Variants in HS6ST3 observed in about 807,000 individuals in gnomAD.
HS6ST3 encodes the protein heparan sulfate 6-O-sulfotransferase 3.
Under a neutral mutation model 36.7 loss-of-function variants are expected in HS6ST3, and 12 were observed. The observed-to-expected ratio is 0.33, with a 90% CI of 0.21 to 0.53. The LOEUF is 0.53. Ranked by LOEUF, HS6ST3 falls within the 20% of genes least tolerant of loss-of-function variation. The pLI is 0.95. For synonymous variants in HS6ST3, 240 were observed against 257.5 expected (o/e 0.93, Z 0.65); for missense variants, 584 against 640.9 (o/e 0.91, Z 0.96).
intron 1 of HS6ST3, among the ~76,000 whole-genome samples, chr13:96,801,491 C>T (rs1486490768): frequency 6.6e-6 from 1 of 151,938 alleles, no homozygotes; most frequent in African/African-American, 2.4e-5. Flanking sequence ...TTGAAAACAG[C>T]TGTCAGGGTT....
At chr13:96,700,573 T>A (rs1365521795) in intron 1 of HS6ST3, among the ~76,000 whole-genome samples, 1 of 152,202 alleles carries the variant, frequency 6.6e-6, no homozygotes, top group African/African-American at 2.4e-5. Context: ...CCATCATGTA[T>A]GTTGTTGAAA....
At chr13:96,307,433 C>T (rs1287659504) in intron 1 of HS6ST3, among the ~76,000 whole-genome samples, 2 of 151,936 alleles carry the variant, frequency 1.3e-5, no homozygotes, top group East Asian at 3.9e-4. Context: ...CATTTTGCAA[C>T]ACTATAGGCA....
chr13:96,455,232 T>C (rs907497266), intron 1 of HS6ST3, among the ~76,000 whole-genome samples: 4 of 152,024 alleles, frequency 2.6e-5, no homozygotes, highest in East Asian at 1.9e-4. Flanking sequence ...TTGTTGTTGT[T>C]GTCGTTGTTT....
chr13:96,535,395 A>G (rs2056151469), intron 1 of HS6ST3, among the ~76,000 whole-genome samples: 1 of 151,858 alleles, frequency 6.6e-6, no homozygotes, highest in African/African-American at 2.4e-5. Context: ...TCTCTACTAA[A>G]AAAATACTAA....
intron 1 of HS6ST3, among the ~76,000 whole-genome samples, chr13:96,570,146 T>A (rs1278512831): frequency 6.6e-6 from 1 of 152,234 alleles, no homozygotes; most frequent in Non-Finnish European, 1.5e-5. Context: ...GAGGATTTTT[T>A]AAGAGATAGA....
chr13:96,657,949 A>G lies in HS6ST3; in HGVS notation c.708-174541A>G, dbSNP rs368258137. ...GGAAGCACAATGAAACTGAAGCAACACTTGACTTGGCAGTTACATGTAAGT... is the reference window on the plus strand; with the variant it reads ...GGAAGCACAATGAAACTGAAGCAACGCTTGACTTGGCAGTTACATGTAAGT... On this transcript the variant is annotated intron_variant, in intron 1 of 1. Coordinates refer to ENST00000376705, the MANE Select transcript of HS6ST3 (RefSeq NM_153456.4). Among the ~76,000 whole-genome samples the G allele has an allele frequency of 5.1e-4, 77 of 152,280 alleles. 1 individual carries two copies. The South Asian group carries it at 0.015, about 30-fold the overall frequency.
At chr13:96,395,048 G>A (rs912694) in intron 1 of HS6ST3, among the ~76,000 whole-genome samples, 127,171 of 151,860 alleles carry the variant, frequency 0.84, 53,665 homozygotes, top group South Asian at 0.91. Flanking sequence ...TTGTTCATCT[G>A]TTGCTTTGTG....
intron 1 of HS6ST3, among the ~76,000 whole-genome samples, chr13:96,828,268 C>T (rs1878692505): frequency 6.6e-6 from 1 of 152,112 alleles, no homozygotes; most frequent in African/African-American, 2.4e-5. Context: ...GCCTGGCTTA[C>T]CTAGTGGTAA....
intron 1 of HS6ST3, among the ~76,000 whole-genome samples, chr13:96,551,516 G>C (rs1160571390): frequency 3.9e-5 from 6 of 152,182 alleles, no homozygotes; most frequent in Admixed American, 3.9e-4. Context: ...GTCCTGTGGA[G>C]CTTACTCTTG....
intron 1 of HS6ST3, among the ~76,000 whole-genome samples, chr13:96,743,748 A>G (rs1876496217): frequency 6.6e-6 from 1 of 152,068 alleles, no homozygotes; most frequent in African/African-American, 2.4e-5. Flanking sequence ...CTTGTAATAT[A>G]CATTTGGGGT....
chr13:96,450,980 A>T (rs1204496474), intron 1 of HS6ST3, among the ~76,000 whole-genome samples: 2 of 152,282 alleles, frequency 1.3e-5, no homozygotes, highest in East Asian at 3.9e-4. Flanking sequence ...GTGTCAAAAG[A>T]CCAACCAATA....
chr13:96,754,265 T>G (rs1876771023), intron 1 of HS6ST3, among the ~76,000 whole-genome samples: 1 of 152,230 alleles, frequency 6.6e-6, no homozygotes, highest in Non-Finnish European at 1.5e-5. Context: ...AGATTTATTA[T>G]TTTTTCTCCT....
At chr13:96,820,233 G>A (rs1343880353) in intron 1 of HS6ST3, among the ~76,000 whole-genome samples, 1 of 152,168 alleles carries the variant, frequency 6.6e-6, no homozygotes, top group Non-Finnish European at 1.5e-5. Flanking sequence ...GATGAAGAAA[G>A]TAGTTTGAAA....
intron 1 of HS6ST3, among the ~76,000 whole-genome samples, chr13:96,685,666 A>T (rs557644986): frequency 6.6e-6 from 1 of 152,186 alleles, no homozygotes; most frequent in African/African-American, 2.4e-5. Flanking sequence ...CTCTTCCATG[A>T]TGGGACTAAT....
chr13:96,313,647 T>G (rs150068328), intron 1 of HS6ST3, among the ~76,000 whole-genome samples: 75 of 152,328 alleles, frequency 4.9e-4, no homozygotes, highest in African/African-American at 1.7e-3. Context: ...TCCCCCATGA[T>G]AGCCTCAGAT....
At chr13:96,621,337 G>A (rs2056494327) in intron 1 of HS6ST3, among the ~76,000 whole-genome samples, 1 of 152,134 alleles carries the variant, frequency 6.6e-6, no homozygotes, top group African/African-American at 2.4e-5. Context: ...TCGTGATAGT[G>A]AGTGAATTCT....
At chr13:96,565,656 C>A (rs1449017640) in intron 1 of HS6ST3, among the ~76,000 whole-genome samples, 1 of 152,106 alleles carries the variant, frequency 6.6e-6, no homozygotes, top group Non-Finnish European at 1.5e-5. Flanking sequence ...GTTTACTATT[C>A]AGGAGCTCAG....
intron 1 of HS6ST3, among the ~76,000 whole-genome samples, chr13:96,605,681 A>G (rs1238928708): frequency 6.6e-6 from 1 of 152,154 alleles, no homozygotes; most frequent in Non-Finnish European, 1.5e-5. Context: ...CAAAAAAGCA[A>G]TTCAGAAAAG....
intron 1 of HS6ST3, among the ~76,000 whole-genome samples, chr13:96,819,399 A>G (rs1566461523): frequency 1.3e-5 from 2 of 152,194 alleles, no homozygotes; most frequent in Non-Finnish European, 2.9e-5. Flanking sequence ...AGGCATATCC[A>G]TATTCTGGCA....
Sources: gnomAD v4.1 joint callset for allele counts (sites outside exome capture counted in the v4.1 genomes callset) on GRCh38, gnomAD v4.1.1 for gene constraint, MANE v1.5 for transcripts, NCBI Gene and HGNC (gene_info 2026-07-23, HGNC 2026-07-21) for gene names.